ZNF665: variants seen among roughly 807,000 people sequenced by gnomAD.
ZNF665 encodes zinc finger protein 665.
In ZNF665, 6 loss-of-function variants were observed where a neutral mutation model predicts 7.9. The ratio of observed to expected loss-of-function variants is 0.76; its 90% CI spans 0.42 to 1.50. The LOEUF (loss-of-function observed/expected upper bound fraction) is 1.50, where lower values mean the gene tolerates loss of function less well. ZNF665 is among the 40% of genes most tolerant of loss of function. The probability of loss-of-function intolerance (pLI) is 0.01; values close to 1 mark genes in which losing one functional copy is unlikely to be tolerated. For synonymous variants in ZNF665, 242 were observed against 274.5 expected (o/e 0.88, Z 1.17); for missense variants, 819 against 806.7 (o/e 1.02, Z -0.18).
chr19:53,171,504 G>GTGTATATA lies in ZNF665; in HGVS notation c.142+3940_142+3941insTATATACA, dbSNP rs140482885. Among the ~76,000 whole-genome samples, 129 of 57,754 alleles carry GTGTATATA rather than the reference G, an allele frequency of 2.2e-3. 1 individual carries two copies. The highest frequency in any genetic ancestry group is 4.7e-3 in the African/African-American group (86 of 18,380). The allele number at this position is 57,754 out of a possible 152,430, so 37.9% of individuals were successfully genotyped here. ...TCTTTACATTTGTGTGTGTGTGTGT[G>GTGTATATA]TATATATATATATATATATATTTTT... is the stretch of plus-strand genomic sequence containing the variant. On this transcript the variant is annotated intron_variant, in intron 3 of 3. Transcript: ENST00000396424.
intron 3 of ZNF665, among the ~76,000 whole-genome samples, chr19:53,174,501 C>T (rs1444414381): frequency 6.6e-6 from 1 of 152,200 alleles, no homozygotes; most frequent in Non-Finnish European, 1.5e-5. Flanking sequence ...TGCTTTCTCC[C>T]TGCCCATCTG....
At position 53,165,298 on chromosome 19, in the gene ZNF665, C is replaced by G. The variant is rs771360912; in HGVS notation, c.1192G>C (p.Gly398Arg). ...TCATTACATTTGAAAGGCTTTTCTC[C>G]GGTATGGATGATCTGATGCTTAGTT... ...NLTKHQIIHTGEKPFKCNECV... is the reference protein window; with the variant it reads ...NLTKHQIIHTREKPFKCNECV... Residue 398 changes from glycine to arginine, a missense_variant, in exon 4 of 4, where the codon GGA becomes CGA. Coordinates refer to ENST00000396424, the MANE Select transcript of ZNF665 (RefSeq NM_024733.5). 6.2e-7 allele frequency: 1 copy of G among 1,613,192 alleles called. No individual in the cohort carries two copies. Among genetic ancestry groups the G allele is most frequent in the African/African-American group, 1.3e-5 (1 of 74,894 alleles).
chr19:53,166,166 A>G lies in ZNF665; in HGVS notation c.324T>C (p.Asn108=), dbSNP rs377086888. ...TTTGCAACATAAGTACTGTTTTATA[A>G]TTTCCTTCATCATCTTTCCACTGAC... ...FECQWKDDEG[N]YKTVLMLQKE... The change falls in exon 4 of 4, where the codon AAT becomes AAC. Residue 108 remains asparagine, a synonymous_variant. Coordinates refer to ENST00000396424, the MANE Select transcript of ZNF665 (RefSeq NM_024733.5). The G allele has an allele frequency of 2.0e-5, 33 of 1,613,784 alleles. No homozygotes were observed. The African/African-American group carries it at 4.3e-4, about 21-fold the overall frequency.
chr19:53,173,975 A>C lies in ZNF665; in HGVS notation c.142+1470T>G, dbSNP rs185413088. Among the ~76,000 whole-genome samples the C allele has an allele frequency of 3.0e-4, 45 of 152,280 alleles. 1 individual carries two copies. Among genetic ancestry groups the C allele is most frequent in the Non-Finnish European group, 4.7e-4 (32 of 68,016 alleles). Reference sequence around the variant, plus strand: ...CACCCACAAACTGTCACAAAGTGGAAGAGAAGAAGTAGCTGAGACCTCAAC... The same window carrying C: ...CACCCACAAACTGTCACAAAGTGGACGAGAAGAAGTAGCTGAGACCTCAAC... On this transcript the variant is annotated intron_variant, in intron 3 of 3. Coordinates refer to ENST00000396424, the MANE Select transcript of ZNF665 (RefSeq NM_024733.5).
rs1300767366 is a variant in ZNF665, at chr19:53,165,093, A to T, written c.1397T>A (p.Val466Asp). 11 of 1,613,052 alleles carry T rather than the reference A, an allele frequency of 6.8e-6. No individual in the cohort carries two copies. Among genetic ancestry groups the T allele is most frequent in the Non-Finnish European group, 7.6e-6 (9 of 1,179,836 alleles). ...KPYKCNDCGKVFTQNSHLASH... is the reference protein window; with the variant it reads ...KPYKCNDCGKDFTQNSHLASH... ...TGCAAGGTGTGAATTTTGTGTGAAG[A>T]CCTTACCGCAGTCATTACATTTGTA... is the stretch of plus-strand genomic sequence containing the variant. Residue 466 changes from valine to aspartate, a missense_variant, in exon 4 of 4, where the codon GTC becomes GAC. Physicochemically the swap from Val to Asp is radical, Grantham distance 152. Coordinates refer to ENST00000396424, the MANE Select transcript of ZNF665 (RefSeq NM_024733.5).
At position 53,166,273 on chromosome 19, in the gene ZNF665, C is replaced by G. The variant is rs1258890400; in HGVS notation, c.217G>C (p.Val73Leu). 1 of 1,612,498 alleles carries G rather than the reference C, an allele frequency of 6.2e-7. No individual in the cohort carries two copies. Among genetic ancestry groups the G allele is most frequent in the Admixed American group, 1.7e-5 (1 of 59,658 alleles). Residue 73 changes from valine (V) to leucine (L), a missense_variant, in exon 4 of 4, where the codon GTG becomes CTG. Val to Leu is a conservative substitution (Grantham distance 32). Transcript: ENST00000396424. The part of the protein sequence containing the change: ...KNNMGEAFYT[V>L]KLERLESCDT... Reference sequence around the variant, plus strand: ...CAGCTTTCAAGTCTCTCCAACTTCACCGTGTAGAACGCTTCTCCCATATTG... The same window carrying G: ...CAGCTTTCAAGTCTCTCCAACTTCAGCGTGTAGAACGCTTCTCCCATATTG...
chr19:53,164,435 G>C lies in ZNF665; in HGVS notation c.*18C>G, dbSNP rs2090587906. 1 of 1,538,514 alleles carries C rather than the reference G, an allele frequency of 6.5e-7. No individual in the cohort carries two copies. Among genetic ancestry groups the C allele is most frequent in the Admixed American group, 2.1e-5 (1 of 48,738 alleles). On this transcript the variant is annotated 3_prime_UTR_variant, in exon 4 of 4. Transcript: ENST00000396424. ...TTACAGGCGTGAGCCACCACGCCCGGCGTCCTTTGTAAGGTTTCTATCCAC... is the reference window on the plus strand; with the variant it reads ...TTACAGGCGTGAGCCACCACGCCCGCCGTCCTTTGTAAGGTTTCTATCCAC...
At chr19:53,178,182 C>T (rs2090712333) in intron 2 of ZNF665, among the ~76,000 whole-genome samples, 1 of 152,164 alleles carries the variant, frequency 6.6e-6, no homozygotes, top group Admixed American at 6.6e-5. Context: ...GTCCAAGGTT[C>T]TGAAAGGGTG....
At chr19:53,175,639 G>T in intron 2 of ZNF665, 68 bp from the exon 3 acceptor site, 3 of 1,534,950 alleles carry the variant, frequency 2.0e-6, no homozygotes, top group Admixed American at 2.0e-5. Flanking sequence ...AAAACAAGAA[G>T]AGGAGAGAGC....
Position 53,165,657 on chromosome 19 carries a change from G to C in ZNF665, c.833C>G (p.Thr278Ser). Residue 278 changes from threonine (T) to serine (S), a missense_variant, in exon 4 of 4, where the codon ACT becomes AGT. Transcript: ENST00000396424. ...GKAFRAHSKL[T>S]THQVIHTGEK... ...TCCAGTATGGATGACCTGATGTGTAGTTAGTTTTGAATGTGCTCTAAAGGC... is the reference window on the plus strand; with the variant it reads ...TCCAGTATGGATGACCTGATGTGTACTTAGTTTTGAATGTGCTCTAAAGGC... 1.2e-6 allele frequency: 2 copies of C among 1,614,126 alleles called. No homozygotes were observed. The highest frequency in any genetic ancestry group is 1.7e-6 in the Non-Finnish European group (2 of 1,180,020).
intron 2 of ZNF665, chr19:53,179,704 A>T (rs57993569): frequency 0.21 from 31,776 of 152,182 alleles, 5,184 homozygotes; most frequent in East Asian, 0.57. Flanking sequence ...TCCAGCAAAT[A>T]AATCCAACCC....
chr19:53,164,437 G>A lies in ZNF665; in HGVS notation c.*16C>T, dbSNP rs548473021. Reference sequence around the variant, plus strand: ...ACAGGCGTGAGCCACCACGCCCGGCGTCCTTTGTAAGGTTTCTATCCACTA... The same window carrying A: ...ACAGGCGTGAGCCACCACGCCCGGCATCCTTTGTAAGGTTTCTATCCACTA... On this transcript the variant is annotated 3_prime_UTR_variant, in exon 4 of 4. Transcript: ENST00000396424. 94 of 1,543,812 alleles carry A rather than the reference G, an allele frequency of 6.1e-5. No individual in the cohort carries two copies. The highest frequency in any genetic ancestry group is 3.0e-4 in the African/African-American group (22 of 73,252).
rs57521729 is a variant in ZNF665 at position 53,168,055 on chromosome 19, C to CA, written c.143-1709dup. On this transcript the variant is annotated intron_variant, in intron 3 of 3. Coordinates refer to ENST00000396424, the MANE Select transcript of ZNF665 (RefSeq NM_024733.5). Reference sequence around the variant, plus strand: ...TGGGCGACACAGCCTGACTCCCTCTCAAAAAAAAAAAAAAAAAAAAAAAAA... The same window carrying CA: ...TGGGCGACACAGCCTGACTCCCTCTCAAAAAAAAAAAAAAAAAAAAAAAAAA... Among the ~76,000 whole-genome samples the CA allele has an allele frequency of 2.1e-3, 140 of 66,396 alleles. 1 individual carries two copies. The highest frequency in any genetic ancestry group is 4.0e-3 in the Admixed American group (15 of 3,784). The allele number at this position is 66,396 out of a possible 152,430, so 43.6% of individuals were successfully genotyped here. A position where few individuals can be genotyped will look rare whatever the true frequency, so the allele number is the denominator to read the frequency against.
chr19:53,167,510 G>A (rs76874611), intron 3 of ZNF665, among the ~76,000 whole-genome samples: 75,744 of 147,924 alleles, frequency 0.51, 21,993 homozygotes, highest in South Asian at 0.71. Context: ...GCAGTGGCGC[G>A]ATCTCGGCTC....
At chr19:53,187,035 A>G (rs1166586717) in intron 1 of ZNF665, among the ~76,000 whole-genome samples, 5 of 14,250 alleles carry the variant, frequency 3.5e-4, no homozygotes, top group Admixed American at 1.3e-3. Context: ...GGACGGGGCG[A>G]CTGGCCAGGC....
chr19:53,168,981 C>G (rs1272847592), intron 3 of ZNF665, among the ~76,000 whole-genome samples: 1 of 151,792 alleles, frequency 6.6e-6, no homozygotes, highest in Non-Finnish European at 1.5e-5. Flanking sequence ...AAATCTAAAC[C>G]ATAAAACTTT....
chr19:53,182,792 G>T, intron 2 of ZNF665, 92 bp downstream of exon 2: 1 of 1,589,728 alleles, frequency 6.3e-7, no homozygotes, highest in African/African-American at 1.3e-5. Flanking sequence ...TGTCAGGCAG[G>T]ATGCTTCAGA....
chr19:53,171,335 T>C (rs1448265123), intron 3 of ZNF665, among the ~76,000 whole-genome samples: 1 of 151,742 alleles, frequency 6.6e-6, no homozygotes, highest in African/African-American at 2.4e-5. Context: ...GATGAACTAC[T>C]TAAAGATGAT....
chr19:53,182,884 C>T lies in ZNF665; in HGVS notation c.15G>A (p.Gln5=), dbSNP rs748178173. 11 of 1,612,392 alleles carry T rather than the reference C, an allele frequency of 6.8e-6. No homozygotes were observed. Among genetic ancestry groups the T allele is most frequent in the Non-Finnish European group, 9.3e-6 (11 of 1,179,984 alleles). Residue 5 remains glutamine, a splice_region_variant and synonymous_variant, in exon 2 of 4, where the codon CAG becomes CAA. Coordinates refer to ENST00000396424, the MANE Select transcript of ZNF665 (RefSeq NM_024733.5). MALP[Q]GQLTFKDVAI... ...CAATCCACCGAGAATATCATCTCAC[C>T]TGAGGAAGAGCCATCCCTGACTCCT...
Sources: allele counts gnomAD v4.1 joint callset (sites outside exome capture counted in the v4.1 genomes callset), GRCh38; gene constraint gnomAD v4.1.1; transcripts MANE v1.5; gene names NCBI Gene and HGNC (gene_info 2026-07-23, HGNC 2026-07-21).